Variants in IL1R1 observed in about 807,000 individuals in gnomAD.
IL1R1 encodes interleukin 1 receptor type 1, also known as interleukin-1 receptor type 1.
IL1R1 carries 22 observed loss-of-function variants against 50.2 expected under a neutral mutation model. The observed-to-expected ratio is 0.44, with a 90% CI of 0.31 to 0.63. IL1R1 has a LOEUF of 0.63. Ranked by LOEUF, IL1R1 falls within the 20% of genes least tolerant of loss-of-function variation. The pLI is 0.07. For synonymous variants in IL1R1, 251 were observed against 236.7 expected (o/e 1.06, Z -0.55); for missense variants, 509 against 676.2 (o/e 0.75, Z 2.74).
chr2:102,144,352 A>G (rs1441206954), intron 1 of IL1R1, among the ~76,000 whole-genome samples: 1 of 152,174 alleles, frequency 6.6e-6, no homozygotes. Flanking sequence ...TGTGGCCTCC[A>G]TGCTGTTCAG....
intron 1 of IL1R1, among the ~76,000 whole-genome samples, chr2:102,080,040 GAA>G: frequency 6.6e-6 from 1 of 152,016 alleles, no homozygotes; most frequent in South Asian, 2.1e-4. Context: ...CACATGTGAA[GAA>G]AAAATTTGCA....
intron 3 of IL1R1, among the ~76,000 whole-genome samples, chr2:102,158,884 C>T (rs1176052120): frequency 6.6e-6 from 1 of 152,164 alleles, no homozygotes; most frequent in Non-Finnish European, 1.5e-5. Flanking sequence ...TGATGGCTTT[C>T]TCTAGGCAAG....
chr2:102,104,679 C>T (rs181388462), exon 1 of IL1R1: 1 of 152,376 alleles, frequency 6.6e-6, no homozygotes, highest in Admixed American at 6.5e-5. Context: ...TGAGTTGTCA[C>T]TCTGCTGCGG....
chr2:102,126,485 C>T (rs1044781896), intron 1 of IL1R1, among the ~76,000 whole-genome samples: 3 of 152,030 alleles, frequency 2.0e-5, no homozygotes, highest in Non-Finnish European at 4.4e-5. Context: ...AAAATTTATA[C>T]GTATTAAAAC....
intron 1 of IL1R1, among the ~76,000 whole-genome samples, chr2:102,092,749 G>A (rs946948081): frequency 1.3e-5 from 2 of 152,158 alleles, no homozygotes; most frequent in African/African-American, 4.8e-5. Flanking sequence ...GCAAAACAGG[G>A]ATGGTGGGAG....
chr2:102,072,022 C>T (rs534905030), intron 1 of IL1R1, among the ~76,000 whole-genome samples: 21 of 151,998 alleles, frequency 1.4e-4, no homozygotes, highest in East Asian at 3.9e-4. Context: ...TTTGGGAGGC[C>T]GAAGTGGGGG....
At chr2:102,101,677 T>C (rs1183038452), upstream of IL1R1, among the ~76,000 whole-genome samples, 1 of 152,162 alleles carries the variant, frequency 6.6e-6, no homozygotes, top group African/African-American at 2.4e-5. Flanking sequence ...TCTGGGAAAA[T>C]ACTTGAGTTA....
intron 3 of IL1R1, 125 bp downstream of exon 3, chr2:102,157,910 C>T (rs947769064): frequency 2.9e-6 from 2 of 680,330 alleles, no homozygotes; most frequent in African/African-American, 3.6e-5. Flanking sequence ...GGCACAGAGC[C>T]TCCTGGTCAT....
At chr2:102,132,382 G>A (rs1160486370) in intron 1 of IL1R1, among the ~76,000 whole-genome samples, 1 of 152,026 alleles carries the variant, frequency 6.6e-6, no homozygotes, top group Non-Finnish European at 1.5e-5. Flanking sequence ...CAAAAGTCAC[G>A]CAAGGGAAAA....
chr2:102,108,360 G>C (rs6726402), intron 1 of IL1R1, among the ~76,000 whole-genome samples: 41,376 of 151,874 alleles, frequency 0.27, 6,373 homozygotes, highest in African/African-American at 0.42. Context: ...CCATTTTGTT[G>C]CTTATTTATT....
chr2:102,076,369 G>C (rs768003707), intron 1 of IL1R1, among the ~76,000 whole-genome samples: 1 of 152,018 alleles, frequency 6.6e-6, no homozygotes, highest in Non-Finnish European at 1.5e-5. Flanking sequence ...AGTAGAGACG[G>C]GGTTTCACCG....
intron 1 of IL1R1, among the ~76,000 whole-genome samples, chr2:102,114,899 A>G (rs1424888434): frequency 6.6e-6 from 1 of 152,170 alleles, no homozygotes; most frequent in Non-Finnish European, 1.5e-5. Flanking sequence ...GTGTGAATGT[A>G]AGCCCCTGGA....
chr2:102,105,453 C>T (rs1311884314), intron 1 of IL1R1, among the ~76,000 whole-genome samples: 1 of 152,166 alleles, frequency 6.6e-6, no homozygotes, highest in African/African-American at 2.4e-5. Context: ...CAACCTCCGC[C>T]TCCCAGGTTC....
rs572036317 is a variant in IL1R1, at chr2:102,134,579, T to C, written c.-83-19362T>C. 1.2e-3 allele frequency among the ~76,000 whole-genome samples: 178 copies of C among 152,182 alleles called. 1 individual carries two copies. Among genetic ancestry groups the C allele is most frequent in the African/African-American group, 4.2e-3 (175 of 41,546 alleles). Reference sequence around the variant, plus strand: ...TTTTAGTAGAGACGGGTTTTCTCCATGTTGGTCAGGCTGGTCTCGAGCTCC... The same window carrying C: ...TTTTAGTAGAGACGGGTTTTCTCCACGTTGGTCAGGCTGGTCTCGAGCTCC... On this transcript the variant is annotated intron_variant, in intron 1 of 10. Transcript: ENST00000409329.
intron 3 of IL1R1, among the ~76,000 whole-genome samples, chr2:102,161,979 G>A (rs998575777): frequency 1.3e-5 from 2 of 152,140 alleles, no homozygotes; most frequent in African/African-American, 4.8e-5. Context: ...TGGGATTACA[G>A]GCATGAGCCA....
intron 3 of IL1R1, among the ~76,000 whole-genome samples, chr2:102,164,261 C>T (rs994580477): frequency 6.6e-6 from 1 of 152,118 alleles, no homozygotes; most frequent in African/African-American, 2.4e-5. Flanking sequence ...GTTCTCAGCT[C>T]CATCTCCTCA....
At chr2:102,072,184 C>T (rs924592056) in intron 1 of IL1R1, among the ~76,000 whole-genome samples, 17 of 150,744 alleles carry the variant, frequency 1.1e-4, no homozygotes, top group South Asian at 2.1e-4. Context: ...TGCTTGAACC[C>T]GGGAGGTGGA....
At chr2:102,164,458 G>A (rs1684995746) in intron 3 of IL1R1, among the ~76,000 whole-genome samples, 1 of 152,102 alleles carries the variant, frequency 6.6e-6, no homozygotes, top group Non-Finnish European at 1.5e-5. Context: ...GGTAAATCCA[G>A]TTTCTATTAC....
chr2:102,158,876 A>G (rs1387339385), intron 3 of IL1R1, among the ~76,000 whole-genome samples: 1 of 152,214 alleles, frequency 6.6e-6, no homozygotes, highest in Non-Finnish European at 1.5e-5. Flanking sequence ...AGCCATGATG[A>G]TGGCTTTCTC....
Sources: allele counts gnomAD v4.1 joint callset (sites outside exome capture counted in the v4.1 genomes callset), GRCh38; gene constraint gnomAD v4.1.1; transcripts MANE v1.5; gene names NCBI Gene and HGNC (gene_info 2026-07-23, HGNC 2026-07-21).